Variants in ADGRG6 observed in about 807,000 individuals in gnomAD.
The protein encoded by ADGRG6 is adhesion G protein-coupled receptor G6.
In ADGRG6, 84 loss-of-function variants were observed where a neutral mutation model predicts 142.4. The observed-to-expected ratio is 0.59, with a 90% CI of 0.49 to 0.71. The LOEUF is 0.71. Ranked by LOEUF, ADGRG6 falls within the 30% of genes least tolerant of loss-of-function variation. ADGRG6 has a pLI of 0.00. For missense variants in ADGRG6, 1,367 were observed against 1,466.6 expected (o/e 0.93, Z 1.11); for synonymous variants, 521 against 520.5 (o/e 1.00, Z -0.01).
chr6:142,393,905 G>A lies in ADGRG6; in HGVS notation c.1371G>A (p.Leu457=), dbSNP rs1455329086. ...TVYVVNISFH[L]SAGEDKIKVK... The stretch of plus-strand genomic sequence containing the variant: ...GTATTTGTGTTTTTAGTTTTCACCT[G>A]AGTGCTGGAGAGGACAAGATTAAAG... Residue 457 remains leucine, a synonymous_variant, in exon 9 of 25, where the codon CTG becomes CTA. Coordinates refer to ENST00000367609, the MANE Select transcript of ADGRG6 (RefSeq NM_198569.3). The A allele has an allele frequency of 1.3e-6, 2 of 1,553,664 alleles. No individual in the cohort carries two copies. Among genetic ancestry groups the A allele is most frequent in the Non-Finnish European group, 1.7e-6 (2 of 1,144,532 alleles).
chr6:142,331,457 C>A (rs982166173), intron 2 of ADGRG6, among the ~76,000 whole-genome samples: 2 of 152,012 alleles, frequency 1.3e-5, no homozygotes, highest in Non-Finnish European at 2.9e-5. Context: ...CTGTGTCTGT[C>A]GGTATAATCA....
Position 142,420,007 on chromosome 6 carries a change from CT to C in ADGRG6, c.3225del (p.Leu1076CysfsTer4). The C allele has an allele frequency of 6.2e-7, 1 of 1,613,536 alleles. No individual in the cohort carries two copies. Among genetic ancestry groups the C allele is most frequent in the East Asian group, 2.2e-5 (1 of 44,866 alleles). ...RNLRSVVSLTFLLGMTWGFAF... is the reference protein window; with the variant it reads ...RNLRSVVSLTXLLGMTWGFAF... ...ACCTGCGCAGTGTGGTTAGCTTGAC[CT>C]TTCTGTTGGGCATGACATGGGGTTT... On this transcript the variant is annotated frameshift_variant, in exon 22 of 25. Coordinates refer to ENST00000367609, the MANE Select transcript of ADGRG6 (RefSeq NM_198569.3). LOFTEE classifies it high-confidence loss of function.
At chr6:142,304,273 A>G (rs1777374174) in intron 1 of ADGRG6, among the ~76,000 whole-genome samples, 1 of 152,150 alleles carries the variant, frequency 6.6e-6, no homozygotes, top group Admixed American at 6.5e-5. Flanking sequence ...CCTTGTGGAG[A>G]AAGTGTATTT....
rs570341092 is a variant in ADGRG6 at position 142,388,467 on chromosome 6, T to C, written c.1223-1791T>C. On this transcript the variant is annotated intron_variant, in intron 6 of 24. Transcript: ENST00000367609. Reference sequence around the variant, plus strand: ...ATTGATAATACAGATGCTCCTCCACTTACGGTAGGGTTTGCATTCCTATAA... The same window carrying C: ...ATTGATAATACAGATGCTCCTCCACCTACGGTAGGGTTTGCATTCCTATAA... Among the ~76,000 whole-genome samples the C allele has an allele frequency of 7.0e-4, 107 of 152,200 alleles. 1 individual carries two copies. The highest frequency in any genetic ancestry group is 1.6e-4 in the Non-Finnish European group (11 of 67,952).
intron 2 of ADGRG6, among the ~76,000 whole-genome samples, chr6:142,318,717 G>A (rs754971517): frequency 6.6e-6 from 1 of 151,898 alleles, no homozygotes; most frequent in African/African-American, 2.4e-5. Flanking sequence ...GGGGATCTGG[G>A]CAGAGAAGGG....
At position 142,312,526 on chromosome 6, in the gene ADGRG6, C is replaced by G. The variant is rs73777174; in HGVS notation, c.103+2882C>G. On this transcript the variant is annotated intron_variant, in intron 2 of 24. Transcript: ENST00000367609. ...AGTATGCCTTAAAACAATAAAAATGCGATTTATTTTTACCCACTATCTTGA... is the reference window on the plus strand; with the variant it reads ...AGTATGCCTTAAAACAATAAAAATGGGATTTATTTTTACCCACTATCTTGA... 2.1e-3 allele frequency among the ~76,000 whole-genome samples: 319 copies of G among 151,966 alleles called. 1 individual carries two copies. Among genetic ancestry groups the G allele is most frequent in the African/African-American group, 7.3e-3 (304 of 41,478 alleles).
intron 22 of ADGRG6, among the ~76,000 whole-genome samples, chr6:142,435,674 C>G (rs1344478008): frequency 6.6e-6 from 1 of 152,018 alleles, no homozygotes; most frequent in African/African-American, 2.4e-5. Flanking sequence ...ATTGAATACA[C>G]AAATATCCCT....
chr6:142,321,344 T>C (rs1661275110), intron 2 of ADGRG6, among the ~76,000 whole-genome samples: 1 of 151,468 alleles, frequency 6.6e-6, no homozygotes, highest in Non-Finnish European at 1.5e-5. Context: ...AATTATATTA[T>C]TGGGTATTTA....
chr6:142,424,915 G>A (rs1776864443), intron 22 of ADGRG6, among the ~76,000 whole-genome samples: 2 of 152,124 alleles, frequency 1.3e-5, no homozygotes, highest in Non-Finnish European at 2.9e-5. Context: ...CAGGAGGATC[G>A]ATAGGAATTA....
Position 142,402,049 on chromosome 6 carries a change from A to C in ADGRG6, c.1735A>C (p.Asn579His). The C allele has an allele frequency of 6.5e-7, 1 of 1,534,272 alleles. No individual in the cohort carries two copies. The highest frequency in any genetic ancestry group is 9.0e-7 in the Non-Finnish European group (1 of 1,115,648). Residue 579 changes from asparagine (N) to histidine (H), a missense_variant, in exon 12 of 25, where the codon AAC (asparagine) becomes CAC (histidine). Asn to His is a moderately conservative substitution (Grantham distance 68, BLOSUM62 1). Coordinates refer to ENST00000367609, the MANE Select transcript of ADGRG6 (RefSeq NM_198569.3). ...VTYWGPVDIS[N>H]CLKEANEVAN... Reference sequence around the variant, plus strand: ...CTACTGGGGACCTGTTGATATCTCCAACTGTTTAAGTAAGTGAGCAGTTTT... The same window carrying C: ...CTACTGGGGACCTGTTGATATCTCCCACTGTTTAAGTAAGTGAGCAGTTTT...
chr6:142,336,187 T>A (rs1160093894), intron 2 of ADGRG6, among the ~76,000 whole-genome samples: 2 of 152,142 alleles, frequency 1.3e-5, no homozygotes, highest in African/African-American at 4.8e-5. Context: ...AGGCTTTATG[T>A]GGGATAAATT....
At chr6:142,317,948 T>G (rs1197808630) in intron 2 of ADGRG6, among the ~76,000 whole-genome samples, 63 of 67,620 alleles carry the variant, frequency 9.3e-4, no homozygotes, top group African/African-American at 4.3e-3. Flanking sequence ...TTATATATAT[T>G]TATATTATAT....
chr6:142,437,774 G>A (rs911658565), intron 23 of ADGRG6, among the ~76,000 whole-genome samples: 3 of 151,852 alleles, frequency 2.0e-5, no homozygotes, highest in Admixed American at 2.0e-4. Context: ...TGAGTTGCCT[G>A]AGGTTTGATG....
intron 2 of ADGRG6, among the ~76,000 whole-genome samples, chr6:142,327,763 A>G (rs1462426194): frequency 6.6e-6 from 1 of 152,132 alleles, no homozygotes; most frequent in African/African-American, 2.4e-5. Context: ...TTGAGTTGAA[A>G]TATGCCTCCA....
chr6:142,410,510 A>G (rs1008337653), intron 17 of ADGRG6, among the ~76,000 whole-genome samples: 14 of 152,234 alleles, frequency 9.2e-5, no homozygotes, highest in African/African-American at 3.4e-4. Context: ...GAAAGGAAGT[A>G]CAAATAAAGA....
chr6:142,429,138 A>T (rs1182660268), intron 22 of ADGRG6, among the ~76,000 whole-genome samples: 1 of 152,190 alleles, frequency 6.6e-6, no homozygotes, highest in Non-Finnish European at 1.5e-5. Context: ...TGAGTAGAGG[A>T]TAGTTTAATC....
chr6:142,347,360 T>A (rs1779953673), intron 2 of ADGRG6, among the ~76,000 whole-genome samples: 1 of 152,180 alleles, frequency 6.6e-6, no homozygotes, highest in Non-Finnish European at 1.5e-5. Flanking sequence ...ATCTCTCTAC[T>A]TGGGAAACCA....
intron 4 of ADGRG6, among the ~76,000 whole-genome samples, chr6:142,374,443 G>A (rs964866666): frequency 1.3e-5 from 2 of 152,140 alleles, no homozygotes; most frequent in Admixed American, 6.5e-5. Flanking sequence ...GATTTTTCTG[G>A]TAAACAGAAT....
At chr6:142,335,027 G>C (rs1012663545) in intron 2 of ADGRG6, among the ~76,000 whole-genome samples, 3 of 152,176 alleles carry the variant, frequency 2.0e-5, no homozygotes. Flanking sequence ...AGAGTTTATT[G>C]TTGCATTTAG....
Sources: allele counts gnomAD v4.1 joint callset (sites outside exome capture counted in the v4.1 genomes callset), GRCh38; gene constraint gnomAD v4.1.1; transcripts MANE v1.5; gene names NCBI Gene and HGNC (gene_info 2026-07-23, HGNC 2026-07-21).